The following TMEM192 variants were observed in gnomAD, a reference collection of about 807,000 sequenced individuals.
The protein encoded by TMEM192 is transmembrane protein 192.
Under a neutral mutation model 26.7 loss-of-function variants are expected in TMEM192, and 20 were observed. The ratio of observed to expected loss-of-function variants is 0.75; its 90% CI spans 0.53 to 1.09. The LOEUF is 1.09. Ranked by LOEUF, TMEM192 falls within the 50% of genes least tolerant of loss-of-function variation. TMEM192 has a pLI of 0.00. For synonymous variants in TMEM192, 124 were observed against 121.0 expected (o/e 1.02, Z -0.16); for missense variants, 304 against 322.6 (o/e 0.94, Z 0.44).
At chr4:165,105,986 G>A (rs896397462) in intron 1 of TMEM192, among the ~76,000 whole-genome samples, 12 of 152,168 alleles carry the variant, frequency 7.9e-5, no homozygotes, top group Non-Finnish European at 1.8e-4. Flanking sequence ...GATGCAGCAA[G>A]AAGGCGCCAT....
chr4:165,071,899 G>C lies in TMEM192; in HGVS notation c.*7759C>G, dbSNP rs2111248125. 6.5e-6 allele frequency: 1 copy of C among 152,950 alleles called. No homozygotes were observed. Among genetic ancestry groups the C allele is most frequent in the East Asian group, 1.9e-4 (1 of 5,200 alleles). The allele number at this position is 152,950 out of a possible 1,614,324, so 9.5% of individuals were successfully genotyped here. ...GGCTGCTTTTTGTGTGTGTGCATGG[G>C]GCTGGGGGGTCAGGGTGGAGAGGTA... On this transcript the variant is annotated 3_prime_UTR_variant, in exon 6 of 6. Coordinates refer to ENST00000306480, the MANE Select transcript of TMEM192 (RefSeq NM_001100389.2).
intron 3 of TMEM192, among the ~76,000 whole-genome samples, chr4:165,094,297 A>G (rs1734841291): frequency 6.6e-6 from 1 of 151,698 alleles, no homozygotes; most frequent in Admixed American, 6.6e-5. Flanking sequence ...TTAGCCTCCC[A>G]AAGTGCTGGG....
chr4:165,104,071 C>T (rs1164570270), intron 1 of TMEM192, among the ~76,000 whole-genome samples: 3 of 152,088 alleles, frequency 2.0e-5, no homozygotes, highest in South Asian at 2.1e-4. Context: ...TGCAGTGAGC[C>T]GAGATTGCGC....
At chr4:165,103,209 A>G in intron 1 of TMEM192, 113 bp from the exon 2 acceptor site, 1 of 868,270 alleles carries the variant, frequency 1.2e-6, no homozygotes, top group Non-Finnish European at 1.6e-6. Flanking sequence ...AAGGCAAGAG[A>G]ACACATTGCC....
intron 4 of TMEM192, among the ~76,000 whole-genome samples, chr4:165,086,821 A>C (rs986588955): frequency 4.0e-5 from 6 of 150,564 alleles, no homozygotes; most frequent in African/African-American, 1.5e-4. Flanking sequence ...CCATTCAAGG[A>C]GAACCTTTCA....
chr4:165,085,077 C>T (rs1734579278), intron 5 of TMEM192, among the ~76,000 whole-genome samples: 2 of 152,102 alleles, frequency 1.3e-5, no homozygotes, highest in South Asian at 4.1e-4. Context: ...GAGTTCAAGA[C>T]CAGCCTGACC....
At chr4:165,100,945 C>A in intron 2 of TMEM192, 53 bp from the exon 3 acceptor site, 3 of 1,369,658 alleles carry the variant, frequency 2.2e-6, no homozygotes, top group Non-Finnish European at 3.0e-6. Flanking sequence ...AATTAGGAAG[C>A]AATAACTACC....
rs180829656 is a variant in TMEM192, at chr4:165,097,856, C to T, written c.439+2772G>A. 1.6e-4 allele frequency among the ~76,000 whole-genome samples: 25 copies of T among 151,620 alleles called. No homozygotes were observed. In the East Asian group the frequency reaches 3.1e-3, roughly 19 times the overall value. Reference sequence around the variant, plus strand: ...GAGATTTATTTATTTATTTAGAGATCGAGTCTCACTCTGTCACCCAGGTTG... The same window carrying T: ...GAGATTTATTTATTTATTTAGAGATTGAGTCTCACTCTGTCACCCAGGTTG... On this transcript the variant is annotated intron_variant, in intron 3 of 5. Coordinates refer to ENST00000306480, the MANE Select transcript of TMEM192 (RefSeq NM_001100389.2).
rs1485227274 is a variant in TMEM192 at position 165,075,225 on chromosome 4, C to T, written c.*4433G>A. 1.3e-5 allele frequency: 2 copies of T among 149,898 alleles called. No homozygotes were observed. Among genetic ancestry groups the T allele is most frequent in the Non-Finnish European group, 3.0e-5 (2 of 67,700 alleles). The allele number at this position is 149,898 out of a possible 1,614,324, so 9.3% of individuals were successfully genotyped here. On this transcript the variant is annotated 3_prime_UTR_variant, in exon 6 of 6. Transcript: ENST00000306480. ...TGAATCCCCGTCTCTACTAGAAATA[C>T]AATTTTTTTTCTTTTCTTTCTTTTT...
At chr4:165,084,269 G>C (rs1393979500) in intron 5 of TMEM192, among the ~76,000 whole-genome samples, 2 of 151,386 alleles carry the variant, frequency 1.3e-5, no homozygotes, top group Admixed American at 6.6e-5. Flanking sequence ...CGCCATCTTG[G>C]CTCACTGCAA....
In TMEM192 at chr4:165,076,116, T is replaced by C. The variant is rs1734374466; in HGVS notation, c.*3542A>G. On this transcript the variant is annotated 3_prime_UTR_variant, in exon 6 of 6. Transcript: ENST00000306480. Reference sequence around the variant, plus strand: ...AATTGTTTTGCTTTATATTTTTCCATATTGCCATTTTTTAAAAAATGAGCT... The same window carrying C: ...AATTGTTTTGCTTTATATTTTTCCACATTGCCATTTTTTAAAAAATGAGCT... The C allele has an allele frequency of 6.6e-6, 1 of 152,154 alleles. No homozygotes were observed. The highest frequency in any genetic ancestry group is 2.4e-5 in the African/African-American group (1 of 41,446). 9.4% of individuals were successfully genotyped at this position (152,154 alleles called of 1,614,324 possible).
chr4:165,101,133 C>T (rs537046865), intron 2 of TMEM192, among the ~76,000 whole-genome samples: 81 of 151,620 alleles, frequency 5.3e-4, no homozygotes, highest in Middle Eastern at 3.4e-3. Context: ...CCCGCCACCA[C>T]GCCTGGCTAA....
In TMEM192 at chr4:165,088,519, T is replaced by C; in HGVS notation, c.523A>G (p.Ile175Val). Residue 175 changes from isoleucine to valine, a missense_variant, in exon 4 of 6, where the codon ATC becomes GTC. By Grantham distance (29) the Ile-to-Val change is conservative. Transcript: ENST00000306480. ...GRLYLDLILA[I>V]LALELICSLI... ...GAACAGATGAGTTCCAGTGCCAAGA[T>C]GGCCAGAATGAGGTCAAGATACAAT... The C allele has an allele frequency of 6.2e-7, 1 of 1,613,712 alleles. No individual in the cohort carries two copies. Among genetic ancestry groups the C allele is most frequent in the Non-Finnish European group, 8.5e-7 (1 of 1,179,868 alleles).
intron 3 of TMEM192, among the ~76,000 whole-genome samples, chr4:165,097,567 G>GA (rs1734940925): frequency 1.6e-5 from 2 of 126,798 alleles, no homozygotes; most frequent in Non-Finnish European, 1.6e-5. Context: ...ATTCTGTGGA[G>GA]CCTTTTTTTT....
At chr4:165,098,125 G>A (rs908479599) in intron 3 of TMEM192, among the ~76,000 whole-genome samples, 4 of 149,828 alleles carry the variant, frequency 2.7e-5, no homozygotes, top group Admixed American at 1.3e-4. Flanking sequence ...CACCGTGCCC[G>A]GCCTTAATTT....
intron 3 of TMEM192, among the ~76,000 whole-genome samples, chr4:165,098,695 T>C (rs962610194): frequency 5.9e-5 from 9 of 151,948 alleles, no homozygotes; most frequent in Admixed American, 5.3e-4. Flanking sequence ...TACATATGGA[T>C]TCAAGTTTTT....
chr4:165,106,731 G>A (rs868151998), intron 1 of TMEM192, among the ~76,000 whole-genome samples: 7 of 152,304 alleles, frequency 4.6e-5, no homozygotes, highest in Middle Eastern at 6.8e-3. Flanking sequence ...TTCGGCTGCC[G>A]ACTGAAGGCT....
chr4:165,093,716 T>A lies in TMEM192; in HGVS notation c.440-5114A>T, dbSNP rs147835785. Among the ~76,000 whole-genome samples the A allele has an allele frequency of 4.3e-4, 66 of 152,252 alleles. 1 individual carries two copies. In the East Asian group the frequency reaches 0.013, roughly 29 times the overall value. The stretch of plus-strand genomic sequence containing the variant: ...CCAAATACACTCTCCAGTTATACAG[T>A]TATACAGTAATAGTCTAATAATGGT... On this transcript the variant is annotated intron_variant, in intron 3 of 5. Transcript: ENST00000306480.
Position 165,103,018 on chromosome 4 carries a change from CT to C in TMEM192, c.105del (p.Ala36LeufsTer15), listed in dbSNP as rs750565220. On this transcript the variant is annotated frameshift_variant, in exon 2 of 6. Coordinates refer to ENST00000306480, the MANE Select transcript of TMEM192 (RefSeq NM_001100389.2). LOFTEE classifies it high-confidence loss of function. ...DAQLLPHHSL[Q>X]AHFRPRFHPL... ...GGATGGAATCGGGGTCTAAAGTGAG[CT>C]TGTAATGAGTGGTGTGGGAGAAGCT... is the stretch of plus-strand genomic sequence containing the variant. 1.9e-6 allele frequency: 3 copies of C among 1,613,498 alleles called. No individual in the cohort carries two copies. The South Asian group carries it at 3.3e-5, about 18-fold the overall frequency.
Sources: gnomAD v4.1 joint callset for allele counts (sites outside exome capture counted in the v4.1 genomes callset) on GRCh38, gnomAD v4.1.1 for gene constraint, MANE v1.5 for transcripts, NCBI Gene and HGNC (gene_info 2026-07-23, HGNC 2026-07-21) for gene names.